GRIK4: variants seen among roughly 807,000 people sequenced by gnomAD.
The protein encoded by GRIK4 is glutamate ionotropic receptor kainate type subunit 4, also known as glutamate receptor ionotropic, kainate 4.
In GRIK4, 40 loss-of-function variants were observed where a neutral mutation model predicts 104.9. The ratio of observed to expected loss-of-function variants is 0.38; its 90% CI spans 0.30 to 0.50. The LOEUF (loss-of-function observed/expected upper bound fraction) is 0.50, where lower values mean the gene tolerates loss of function less well. Among genes scored for constraint, GRIK4 ranks in the 20% least tolerant of loss-of-function variants. GRIK4 has a pLI of 0.93. For synonymous variants in GRIK4, 485 were observed against 524.9 expected, an observed-to-expected ratio of 0.92 and a Z score of 1.04; for missense variants, 1,047 against 1,308.1, an observed-to-expected ratio of 0.80 and a Z score of 3.08.
chr11:120,913,350 G>A (rs943578908), intron 13 of GRIK4, among the ~76,000 whole-genome samples: 6 of 151,916 alleles, frequency 3.9e-5, no homozygotes, highest in Non-Finnish European at 8.8e-5. Flanking sequence ...GGCCCATAAA[G>A]AGATTGCACT....
At chr11:120,810,690 C>T (rs1235245291) in intron 4 of GRIK4, among the ~76,000 whole-genome samples, 2 of 152,064 alleles carry the variant, frequency 1.3e-5, no homozygotes, top group Non-Finnish European at 1.5e-5. Context: ...ACTATGGAAA[C>T]CAGCTATATG....
chr11:120,921,444 G>A (rs888827786), intron 13 of GRIK4, among the ~76,000 whole-genome samples: 1 of 152,244 alleles, frequency 6.6e-6, no homozygotes, highest in Non-Finnish European at 1.5e-5. Context: ...GGAACAAAGA[G>A]CCCAATGCTG....
intron 3 of GRIK4, among the ~76,000 whole-genome samples, chr11:120,699,664 A>T (rs1210604511): frequency 6.6e-6 from 1 of 152,118 alleles, no homozygotes; most frequent in African/African-American, 2.4e-5. Context: ...GGGTGTTAAC[A>T]TTGTAGACAG....
chr11:120,626,649 G>T (rs773065096), intron 1 of GRIK4, among the ~76,000 whole-genome samples: 1 of 152,008 alleles, frequency 6.6e-6, no homozygotes. Flanking sequence ...AGTCTCCTAG[G>T]CATCCCGGAG....
chr11:120,747,931 C>T lies in GRIK4; in HGVS notation c.83-54762C>T, dbSNP rs571020640. Among the ~76,000 whole-genome samples, 12 of 152,270 alleles carry T rather than the reference C, an allele frequency of 7.9e-5. No individual in the cohort carries two copies. The East Asian group carries it at 1.2e-3, about 15-fold the overall frequency. ...TTCAAACAAGATTCAGGGTGAGGGC[C>T]GTGATGAGTAAACTTGACTATTTAT... On this transcript the variant is annotated intron_variant, in intron 3 of 20. Transcript: ENST00000527524.
At chr11:120,522,520 C>T (rs1020871639) in intron 1 of GRIK4, among the ~76,000 whole-genome samples, 1 of 152,082 alleles carries the variant, frequency 6.6e-6, no homozygotes. Context: ...AGGGTTTCAC[C>T]ATGTTGGCCA....
At chr11:120,963,967 T>TTTTATTTA (rs201650109) in intron 18 of GRIK4, among the ~76,000 whole-genome samples, 1 of 80,700 alleles carries the variant, frequency 1.2e-5, no homozygotes, top group Non-Finnish European at 2.5e-5. Context: ...TTTCCTATGT[T>TTTTATTTA]TTTATTTATT....
intron 11 of GRIK4, among the ~76,000 whole-genome samples, chr11:120,888,836 A>G (rs776134933): frequency 4.3e-4 from 66 of 152,180 alleles, no homozygotes; most frequent in Admixed American, 2.6e-3. Context: ...GCATGTCTTG[A>G]CCCACTGAAT....
intron 5 of GRIK4, among the ~76,000 whole-genome samples, chr11:120,816,403 G>T (rs1213330053): frequency 1.3e-5 from 2 of 152,132 alleles, no homozygotes; most frequent in East Asian, 3.9e-4. Flanking sequence ...TCAGGAGCTG[G>T]GTGGGGGCGG....
At chr11:120,626,207 A>C (rs1949256545) in intron 1 of GRIK4, among the ~76,000 whole-genome samples, 1 of 152,188 alleles carries the variant, frequency 6.6e-6, no homozygotes, top group Non-Finnish European at 1.5e-5. Context: ...ATTAGTCTAG[A>C]GGGCTGTCAG....
At position 120,549,834 on chromosome 11, in the gene GRIK4, C is replaced by T. The variant is rs1948122244; in HGVS notation, c.-159+37947C>T. Among the ~76,000 whole-genome samples the T allele has an allele frequency of 2.6e-5, 4 of 152,204 alleles. No individual in the cohort carries two copies. Among genetic ancestry groups the T allele is most frequent in the African/African-American group, 9.6e-5 (4 of 41,452 alleles). ...ACGGCCAGGCTGCTGCCAGTCTATG[C>T]AGCCCCTTTGTGGCCCTTAGAAAAA... On this transcript the variant is annotated intron_variant, in intron 1 of 20. Transcript: ENST00000527524. This position sits in a 1 kb window ranked among gnomAD's most constrained non-coding sequence, Gnocchi z 4.7.
chr11:120,781,135 C>CTT (rs59172541), intron 3 of GRIK4, among the ~76,000 whole-genome samples: 6 of 135,994 alleles, frequency 4.4e-5, no homozygotes, highest in African/African-American at 1.6e-4. Context: ...TCCTTTCTTT[C>CTT]TTTTTTTTTT....
intron 1 of GRIK4, among the ~76,000 whole-genome samples, chr11:120,581,989 A>G (rs972087129): frequency 2.6e-5 from 4 of 151,898 alleles, no homozygotes; most frequent in Non-Finnish European, 2.9e-5. Context: ...TAATATTTTT[A>G]GTAGAGACGG....
intron 3 of GRIK4, among the ~76,000 whole-genome samples, chr11:120,669,415 G>A (rs1418636547): frequency 6.6e-6 from 1 of 152,202 alleles, no homozygotes; most frequent in Non-Finnish European, 1.5e-5. Context: ...TCCCTCTACA[G>A]TGGGCTCCTG....
intron 13 of GRIK4, among the ~76,000 whole-genome samples, chr11:120,935,902 T>A (rs1671589793): frequency 6.6e-6 from 1 of 152,206 alleles, no homozygotes; most frequent in Admixed American, 6.5e-5. Flanking sequence ...AAAGACACTG[T>A]ACAGTTAAAA....
chr11:120,637,639 A>C (rs563350416), intron 1 of GRIK4, among the ~76,000 whole-genome samples: 349 of 152,290 alleles, frequency 2.3e-3, no homozygotes, highest in African/African-American at 7.9e-3. Context: ...TTCTTAGAGA[A>C]GATTCATACC....
chr11:120,988,329 G>C lies in GRIK4; in HGVS notation c.*2069G>C, dbSNP rs1277548172. 1 of 152,172 alleles carries C rather than the reference G, an allele frequency of 6.6e-6. No homozygotes were observed. Among genetic ancestry groups the C allele is most frequent in the Non-Finnish European group, 1.5e-5 (1 of 68,044 alleles). The allele number at this position is 152,172 out of a possible 1,614,324, so 9.4% of individuals were successfully genotyped here. ...GGCCAGCTGACAACAAACCCCAATG[G>C]TGCCACTCTGCTCCAACCTGCAGCT... On this transcript the variant is annotated 3_prime_UTR_variant, in exon 21 of 21. Transcript: ENST00000527524.
chr11:120,813,969 A>G (rs181192424), intron 4 of GRIK4, among the ~76,000 whole-genome samples: 5 of 152,224 alleles, frequency 3.3e-5, no homozygotes, highest in African/African-American at 9.6e-5. Flanking sequence ...GTCCTCTCTC[A>G]CTGTGTTTCC....
chr11:120,886,474 T>C (rs1383361087), intron 11 of GRIK4, among the ~76,000 whole-genome samples: 1 of 152,218 alleles, frequency 6.6e-6, no homozygotes, highest in Non-Finnish European at 1.5e-5. Flanking sequence ...TGTTTAATGT[T>C]AACGCATCAA....
Sources: gnomAD v4.1 joint callset for allele counts (sites outside exome capture counted in the v4.1 genomes callset) on GRCh38, gnomAD v4.1.1 for gene constraint, Gnocchi (gnomAD v3.1) non-coding constraint, MANE v1.5 for transcripts, NCBI Gene and HGNC (gene_info 2026-07-23, HGNC 2026-07-21) for gene names.